RAPGEF2: variants seen among roughly 807,000 people sequenced by gnomAD.
RAPGEF2 encodes the protein Rap guanine nucleotide exchange factor 2.
In RAPGEF2, 54 loss-of-function variants were observed where a neutral mutation model predicts 186.7. The observed-to-expected ratio is 0.29, with a 90% CI of 0.23 to 0.36. RAPGEF2 has a LOEUF of 0.36. Ranked by LOEUF, RAPGEF2 falls within the 10% of genes least tolerant of loss-of-function variation. The pLI, the probability that RAPGEF2 is intolerant of heterozygous loss-of-function variation, is 1.00. For synonymous variants in RAPGEF2, 712 were observed against 705.9 expected, an observed-to-expected ratio of 1.01 and a Z score of -0.14; for missense variants, 1,532 against 2,045.0, an observed-to-expected ratio of 0.75 and a Z score of 4.84.
intron 1 of RAPGEF2, among the ~76,000 whole-genome samples, chr4:159,173,918 T>C (rs910916035): frequency 6.6e-6 from 1 of 152,206 alleles, no homozygotes; most frequent in Non-Finnish European, 1.5e-5. Context: ...ATAAGATACT[T>C]TTAAAATGAA....
intron 9 of RAPGEF2, among the ~76,000 whole-genome samples, chr4:159,315,592 C>A (rs1328757038): frequency 2.0e-5 from 3 of 152,128 alleles, no homozygotes; most frequent in Admixed American, 6.5e-5. Context: ...CCAGGCTGCA[C>A]TGGTATTTAT....
At position 159,323,579 on chromosome 4, in the gene RAPGEF2, A is replaced by C; in HGVS notation, c.1111A>C (p.Met371Leu). ...CTCTCCTACCATGGACAAAGAATAC[A>C]TGAAAGGAGTGATGAGAACAAAGGT... ...GVSPTMDKEY[M>L]KGVMRTKVDD... Residue 371 changes from methionine (M) to leucine (L), a missense_variant, in exon 11 of 30, where the codon ATG becomes CTG. Transcript: ENST00000691494. 6.2e-7 allele frequency: 1 copy of C among 1,609,876 alleles called. No individual in the cohort carries two copies. The highest frequency in any genetic ancestry group is 8.5e-7 in the Non-Finnish European group (1 of 1,177,640).
At chr4:159,197,029 T>A (rs1748721929) in intron 3 of RAPGEF2, among the ~76,000 whole-genome samples, 1 of 152,222 alleles carries the variant, frequency 6.6e-6, no homozygotes, top group East Asian at 1.9e-4. Flanking sequence ...CTTCCTTGCC[T>A]TTATTATCTA....
At position 159,139,132 on chromosome 4, in the gene RAPGEF2, C is replaced by T. The variant is rs72965915; in HGVS notation, c.69+34901C>T. The stretch of plus-strand genomic sequence containing the variant: ...GCCAGATATTTTTGAGCACACCTAC[C>T]GTGTGTGTATGGCACTGTGTTGCCA... On this transcript the variant is annotated intron_variant, in intron 1 of 29. Transcript: ENST00000691494. Among the ~76,000 whole-genome samples, 161 of 152,264 alleles carry T rather than the reference C, an allele frequency of 1.1e-3. 1 individual carries two copies. Among genetic ancestry groups the T allele is most frequent in the African/African-American group, 3.6e-3 (150 of 41,546 alleles).
At chr4:159,311,151 TA>T (rs1045629560) in intron 8 of RAPGEF2, among the ~76,000 whole-genome samples, 1 of 152,142 alleles carries the variant, frequency 6.6e-6, no homozygotes, top group Admixed American at 6.6e-5. Flanking sequence ...CTCTGTAAAC[TA>T]GGGTTAGTAA....
intron 1 of RAPGEF2, among the ~76,000 whole-genome samples, chr4:159,165,354 A>G (rs571566494): frequency 4.6e-5 from 7 of 152,284 alleles, no homozygotes; most frequent in East Asian, 3.9e-4. Context: ...GTTCATTTTC[A>G]TGTTTATTTT....
chr4:159,226,621 A>C (rs1356370560), intron 4 of RAPGEF2, among the ~76,000 whole-genome samples: 2 of 152,140 alleles, frequency 1.3e-5, no homozygotes, highest in African/African-American at 4.8e-5. Context: ...TTCTCCATTT[A>C]AGTTTTCTAG....
chr4:159,307,694 A>G (rs2111071472), intron 8 of RAPGEF2, among the ~76,000 whole-genome samples: 1 of 152,326 alleles, frequency 6.6e-6, no homozygotes, highest in South Asian at 2.1e-4. Flanking sequence ...TTGTTTGACC[A>G]GGTGCAGTGG....
At chr4:159,285,368 A>G (rs1250417725) in intron 7 of RAPGEF2, among the ~76,000 whole-genome samples, 1 of 152,182 alleles carries the variant, frequency 6.6e-6, no homozygotes, top group Non-Finnish European at 1.5e-5. Context: ...GAATTCTATG[A>G]ATTACAGTCT....
At chr4:159,219,270 C>T (rs565493166) in intron 4 of RAPGEF2, among the ~76,000 whole-genome samples, 108 of 149,914 alleles carry the variant, frequency 7.2e-4, no homozygotes, top group African/African-American at 2.5e-3. Context: ...CAAGAATGGG[C>T]GGTATATGTA....
intron 4 of RAPGEF2, among the ~76,000 whole-genome samples, chr4:159,225,012 A>C (rs533051027): frequency 3.3e-4 from 50 of 152,316 alleles, no homozygotes; most frequent in Middle Eastern, 3.4e-3. Context: ...GGTGGGTATC[A>C]GAGTTGAAAT....
At chr4:159,321,125 C>T (rs1039872098) in intron 9 of RAPGEF2, among the ~76,000 whole-genome samples, 2 of 151,910 alleles carry the variant, frequency 1.3e-5, no homozygotes, top group African/African-American at 4.8e-5. Context: ...GATGTACATA[C>T]ACCCTGTGCT....
At chr4:159,149,706 G>A (rs1178843433) in intron 1 of RAPGEF2, among the ~76,000 whole-genome samples, 1 of 152,086 alleles carries the variant, frequency 6.6e-6, no homozygotes, top group Admixed American at 6.5e-5. Context: ...GGTTATTTCT[G>A]TGTGTATAGT....
intron 7 of RAPGEF2, among the ~76,000 whole-genome samples, chr4:159,282,985 A>G (rs1188633192): frequency 3.3e-5 from 5 of 152,198 alleles, no homozygotes; most frequent in African/African-American, 9.6e-5. Flanking sequence ...AGATAATTTA[A>G]TGTTGAGTAT....
At chr4:159,132,191 C>T (rs1369810236) in intron 1 of RAPGEF2, among the ~76,000 whole-genome samples, 1 of 152,174 alleles carries the variant, frequency 6.6e-6, no homozygotes, top group Non-Finnish European at 1.5e-5. Context: ...AAGCCTGTGT[C>T]TTGCACAGAA....
intron 25 of RAPGEF2, among the ~76,000 whole-genome samples, chr4:159,348,464 CTTTA>C (rs887038585): frequency 2.0e-5 from 3 of 152,154 alleles, no homozygotes; most frequent in Non-Finnish European, 4.4e-5. Context: ...CAAGTGTCCT[CTTTA>C]TTGATATGGG....
chr4:159,300,112 AG>A (rs1762473582), intron 7 of RAPGEF2, among the ~76,000 whole-genome samples: 2 of 151,346 alleles, frequency 1.3e-5, no homozygotes, highest in Non-Finnish European at 2.9e-5. Context: ...AAAAGTGTAA[AG>A]TAATACTTAT....
chr4:159,193,389 A>AT (rs967823740), intron 3 of RAPGEF2, 133 bp downstream of exon 3: 7 of 435,084 alleles, frequency 1.6e-5, no homozygotes, highest in Non-Finnish European at 2.8e-5. Flanking sequence ...AATGGGAAAC[A>AT]TTTTATCTGT....
chr4:159,339,464 C>T (rs139526013), intron 19 of RAPGEF2, 110 bp downstream of exon 19: 380 of 1,320,866 alleles, frequency 2.9e-4, no homozygotes, highest in Non-Finnish European at 5.5e-5. Context: ...AGTGTCCCTG[C>T]GATTAAAAAG....
Sources: allele counts gnomAD v4.1 joint callset (sites outside exome capture counted in the v4.1 genomes callset), GRCh38; gene constraint gnomAD v4.1.1; transcripts MANE v1.5; gene names NCBI Gene and HGNC (gene_info 2026-07-23, HGNC 2026-07-21).